Variants in RHOJ observed in about 807,000 individuals in gnomAD.
The protein encoded by RHOJ is rho-related GTP-binding protein RhoJ.
A neutral mutation model predicts 23.4 loss-of-function variants in RHOJ; 11 were observed. The observed-to-expected ratio is 0.47, with a 90% CI of 0.30 to 0.78. RHOJ has a LOEUF of 0.78. RHOJ is among the 30% of genes least tolerant of loss of function. The pLI, the probability that RHOJ is intolerant of heterozygous loss-of-function variation, is 0.08. For missense variants in RHOJ, 254 were observed against 273.4 expected (o/e 0.93, Z 0.50); for synonymous variants, 102 against 102.7 (o/e 0.99, Z 0.04).
intron 1 of RHOJ, among the ~76,000 whole-genome samples, chr14:63,260,843 GTT>G (rs147485104): frequency 4.8e-5 from 7 of 145,096 alleles, no homozygotes; most frequent in Non-Finnish European, 7.6e-5. Flanking sequence ...ACATGTACAG[GTT>G]TTTTTTTTTT....
chr14:63,234,913 C>T (rs1216570719), intron 1 of RHOJ, among the ~76,000 whole-genome samples: 2 of 152,094 alleles, frequency 1.3e-5, no homozygotes, highest in Admixed American at 6.6e-5. Context: ...CATGGTGCCC[C>T]GTTAAAGAAA....
chr14:63,289,248 A>G (rs915452653), intron 4 of RHOJ, among the ~76,000 whole-genome samples: 1 of 152,244 alleles, frequency 6.6e-6, no homozygotes, highest in Non-Finnish European at 1.5e-5. Context: ...TGAAAAATAC[A>G]AAAATGGGCA....
At chr14:63,269,970 C>T (rs559582777) in intron 2 of RHOJ, among the ~76,000 whole-genome samples, 2 of 152,320 alleles carry the variant, frequency 1.3e-5, no homozygotes, top group African/African-American at 4.8e-5. Flanking sequence ...GGTTAAGCAA[C>T]TGATGGCCGT....
At chr14:63,218,702 A>G (rs1000275639) in intron 1 of RHOJ, among the ~76,000 whole-genome samples, 9 of 152,236 alleles carry the variant, frequency 5.9e-5, no homozygotes, top group African/African-American at 1.9e-4. Context: ...GATACTCTAT[A>G]CCAGGGTAAT....
At chr14:63,271,769 G>T (rs968161717) in intron 2 of RHOJ, among the ~76,000 whole-genome samples, 1 of 151,788 alleles carries the variant, frequency 6.6e-6, no homozygotes, top group Non-Finnish European at 1.5e-5. Flanking sequence ...TAATTTTTGT[G>T]TTTTTTTTCT....
At chr14:63,242,400 C>CT (rs1357458610) in intron 1 of RHOJ, among the ~76,000 whole-genome samples, 3 of 152,142 alleles carry the variant, frequency 2.0e-5, no homozygotes, top group Non-Finnish European at 4.4e-5. Context: ...GACCTCATCT[C>CT]TATTTTTAAA....
At chr14:63,218,668 A>G (rs1894417929) in intron 1 of RHOJ, among the ~76,000 whole-genome samples, 1 of 152,218 alleles carries the variant, frequency 6.6e-6, no homozygotes, top group South Asian at 2.1e-4. Context: ...CAACTGCTAC[A>G]GATCCAATTC....
At chr14:63,244,177 G>A (rs1435924948) in intron 1 of RHOJ, among the ~76,000 whole-genome samples, 1 of 152,156 alleles carries the variant, frequency 6.6e-6, no homozygotes, top group Admixed American at 6.5e-5. Flanking sequence ...AGAAAAATTT[G>A]TTGGCAGTTG....
intron 2 of RHOJ, among the ~76,000 whole-genome samples, chr14:63,269,759 A>G (rs927907536): frequency 6.6e-6 from 1 of 152,204 alleles, no homozygotes; most frequent in African/African-American, 2.4e-5. Context: ...CTTTGTCAGG[A>G]CTGTTTCTTC....
In RHOJ at chr14:63,292,846, G is replaced by A. The variant is rs1430336750; in HGVS notation, c.*1822G>A. The A allele has an allele frequency of 6.6e-6, 1 of 151,790 alleles. No individual in the cohort carries two copies. The highest frequency in any genetic ancestry group is 1.5e-5 in the Non-Finnish European group (1 of 68,038). The allele number at this position is 151,790 out of a possible 1,614,324, so 9.4% of individuals were successfully genotyped here. A position where few individuals can be genotyped will look rare whatever the true frequency, so the allele number is the denominator to read the frequency against. The stretch of plus-strand genomic sequence containing the variant: ...CATACCTGTAGTCCCAGCTACTCAG[G>A]AGGCTGAGGTGGAAGGATCACTTGA... On this transcript the variant is annotated 3_prime_UTR_variant, in exon 5 of 5. Transcript: ENST00000316754.
chr14:63,243,949 A>G (rs566600560), intron 1 of RHOJ, among the ~76,000 whole-genome samples: 1 of 152,302 alleles, frequency 6.6e-6, no homozygotes, highest in Non-Finnish European at 1.5e-5. Flanking sequence ...CAAAAGATTG[A>G]CATGATGAAA....
Position 63,269,121 on chromosome 14 carries a change from G to A in RHOJ, c.190G>A (p.Val64Met), listed in dbSNP as rs768512063. The A allele has an allele frequency of 2.5e-6, 4 of 1,612,236 alleles. No homozygotes were observed. Among genetic ancestry groups the A allele is most frequent in the Admixed American group, 3.3e-5 (2 of 60,008 alleles). The change falls in exon 2 of 5, where the codon GTG becomes ATG. Residue 64 changes from valine (V) to methionine (M), a missense_variant. Transcript: ENST00000316754. ...VFDHYAVTVT[V>M]GGKQHLLGLY... ...CTCTTCTCCCCTAGTTACTGTGACT[G>A]TGGGAGGCAAGCAACACTTGCTCGG...
intron 2 of RHOJ, among the ~76,000 whole-genome samples, chr14:63,277,584 G>A (rs1038406201): frequency 3.9e-5 from 6 of 152,172 alleles, no homozygotes; most frequent in African/African-American, 7.2e-5. Flanking sequence ...GAAGTGCCAC[G>A]TGTTCATTTG....
intron 1 of RHOJ, among the ~76,000 whole-genome samples, chr14:63,208,759 T>C (rs1894168642): frequency 6.6e-6 from 1 of 152,162 alleles, no homozygotes; most frequent in Admixed American, 6.5e-5. Context: ...TTGTATCTAG[T>C]TTTGTAACTT....
intron 1 of RHOJ, among the ~76,000 whole-genome samples, chr14:63,248,799 C>A (rs1594764821): frequency 6.6e-6 from 1 of 152,304 alleles, no homozygotes; most frequent in Non-Finnish European, 1.5e-5. Context: ...TTCAGCCCTG[C>A]CTTCTCAGGG....
chr14:63,253,397 G>A (rs1296509574), intron 1 of RHOJ, among the ~76,000 whole-genome samples: 1 of 151,196 alleles, frequency 6.6e-6, no homozygotes, highest in African/African-American at 2.4e-5. Context: ...TTCCCAAGTA[G>A]CTAATTTTTT....
chr14:63,218,447 G>T (rs567596598), intron 1 of RHOJ, among the ~76,000 whole-genome samples: 2 of 152,102 alleles, frequency 1.3e-5, no homozygotes, highest in East Asian at 3.8e-4. Flanking sequence ...ATGCATTTTC[G>T]TCCCTGTGAT....
intron 1 of RHOJ, among the ~76,000 whole-genome samples, chr14:63,234,895 C>T (rs1894761065): frequency 6.6e-6 from 1 of 152,108 alleles, no homozygotes; most frequent in African/African-American, 2.4e-5. Flanking sequence ...TAAACATATC[C>T]ACTGAGGCAT....
intron 1 of RHOJ, among the ~76,000 whole-genome samples, chr14:63,266,839 T>C (rs977990919): frequency 6.6e-5 from 10 of 152,204 alleles, no homozygotes; most frequent in African/African-American, 2.2e-4. Context: ...TAGAATCATA[T>C]TGTCAGCAAA....
Sources: gnomAD v4.1 joint callset for allele counts (sites outside exome capture counted in the v4.1 genomes callset) on GRCh38, gnomAD v4.1.1 for gene constraint, MANE v1.5 for transcripts, NCBI Gene and HGNC (gene_info 2026-07-23, HGNC 2026-07-21) for gene names.